WFDC9: variants seen among roughly 807,000 people sequenced by gnomAD.
WFDC9 encodes the protein WAP four-disulfide core domain 9.
In WFDC9, 9 loss-of-function variants were observed where a neutral mutation model predicts 9.5. The observed-to-expected ratio is 0.95, with a 90% CI of 0.57 to 1.65. The LOEUF (loss-of-function observed/expected upper bound fraction) is 1.65, where lower values mean the gene tolerates loss of function less well. Ranked by LOEUF, WFDC9 falls within the 40% of genes most tolerant of loss-of-function variation. The pLI is 0.00. For synonymous variants in WFDC9, 33 were observed against 32.3 expected (o/e 1.02, Z -0.07); for missense variants, 87 against 106.7 (o/e 0.82, Z 0.81).
chr20:45,615,937 C>T (rs1356566149), intron 1 of WFDC9, among the ~76,000 whole-genome samples: 1 of 152,194 alleles, frequency 6.6e-6, no homozygotes, highest in East Asian at 1.9e-4. Flanking sequence ...TCTGAGCCTT[C>T]AACAAGTCAT....
chr20:45,608,797 TATC>T lies in WFDC9; in HGVS notation c.102_104del (p.Met34del), dbSNP rs1475471699. 5.6e-6 allele frequency: 9 copies of T among 1,612,068 alleles called. No homozygotes were observed. The East Asian group carries it at 1.6e-4, about 28-fold the overall frequency. ...GTACCCAGCACTGCTCAGTTTCTCT[TATC>T]ATATCTAGAACTGAGATGGAAGAAG... On this transcript the variant is annotated inframe_deletion, in exon 4 of 5. Transcript: ENST00000326000.
intron 3 of WFDC9, among the ~76,000 whole-genome samples, 164 bp from the exon 4 acceptor site, chr20:45,608,974 G>C (rs1359136161): frequency 3.9e-5 from 6 of 152,082 alleles, no homozygotes; most frequent in Non-Finnish European, 7.3e-5. Flanking sequence ...CTTGTCACAA[G>C]ACCATCCTTG....
At chr20:45,615,835 A>G (rs534136316) in intron 1 of WFDC9, among the ~76,000 whole-genome samples, 35 of 152,218 alleles carry the variant, frequency 2.3e-4, no homozygotes, top group Non-Finnish European at 4.3e-4. Flanking sequence ...ACTATGCTGT[A>G]GTCTGTCAAG....
chr20:45,630,431 C>A (rs764728229), intron 1 of WFDC9, among the ~76,000 whole-genome samples: 7 of 152,042 alleles, frequency 4.6e-5, no homozygotes, highest in Non-Finnish European at 1.0e-4. Flanking sequence ...GAGACAGTGA[C>A]AGTGAGCAGA....
chr20:45,627,694 T>C (rs1242253245), intron 1 of WFDC9, among the ~76,000 whole-genome samples: 1 of 152,210 alleles, frequency 6.6e-6, no homozygotes, highest in Admixed American at 6.5e-5. Flanking sequence ...CATGCTGCTC[T>C]CCAACAACCT....
rs377094651 is a variant in WFDC9 at position 45,625,103 on chromosome 20, C to T, written c.-153+6100G>A. 3.9e-5 allele frequency among the ~76,000 whole-genome samples: 6 copies of T among 152,272 alleles called. No homozygotes were observed. In the East Asian group the frequency reaches 1.2e-3, roughly 29 times the overall value. On this transcript the variant is annotated intron_variant, in intron 1 of 4. Transcript: ENST00000326000. The stretch of plus-strand genomic sequence containing the variant: ...TTAATTTACTCACAGTTCCACATGG[C>T]TGGGGAGGCCTCAGGAGACTTTAAA...
chr20:45,627,154 C>T (rs537268405), intron 1 of WFDC9, among the ~76,000 whole-genome samples: 4 of 152,210 alleles, frequency 2.6e-5, no homozygotes, highest in Non-Finnish European at 4.4e-5. Flanking sequence ...TTCTTGCATT[C>T]GTATGATAAA....
intron 3 of WFDC9, among the ~76,000 whole-genome samples, chr20:45,609,704 C>A (rs1040854829): frequency 6.6e-6 from 1 of 152,166 alleles, no homozygotes; most frequent in Non-Finnish European, 1.5e-5. Flanking sequence ...CTCTTCCCCT[C>A]CAACTAAATT....
chr20:45,610,261 T>C, intron 2 of WFDC9, 22 bp from the exon 3 acceptor site: 1 of 1,274,058 alleles, frequency 7.8e-7, no homozygotes, highest in Non-Finnish European at 1.1e-6. Flanking sequence ...AGAAAATGGA[T>C]TGAGGAGAAC....
At chr20:45,612,276 C>G (rs1489545373) in intron 2 of WFDC9, among the ~76,000 whole-genome samples, 9 of 151,538 alleles carry the variant, frequency 5.9e-5, no homozygotes, top group Admixed American at 3.9e-4. Flanking sequence ...TTCTATGCCT[C>G]TGTGTGTGGA....
At chr20:45,629,897 G>T (rs1982314643) in intron 1 of WFDC9, 1 of 1,613,566 alleles carries the variant, frequency 6.2e-7, no homozygotes, top group African/African-American at 1.3e-5. Flanking sequence ...ACAAGAAGAG[G>T]ATGCAGAGTA....
rs116662065 is a variant in WFDC9, at chr20:45,619,328, G to T, written c.-152-4607C>A. On this transcript the variant is annotated intron_variant, in intron 1 of 4. Coordinates refer to ENST00000326000, the MANE Select transcript of WFDC9 (RefSeq NM_147198.4). ...TCATGATTCTGGATCAAGCTATGCA[G>T]AATTTAGGACAATCTGTATACTCTT... Among the ~76,000 whole-genome samples the T allele has an allele frequency of 5.5e-3, 845 of 152,278 alleles. 7 individuals are homozygous for T. Among genetic ancestry groups the T allele is most frequent in the African/African-American group, 0.02 (811 of 41,570 alleles).
chr20:45,615,898 A>G (rs1389961489), intron 1 of WFDC9, among the ~76,000 whole-genome samples: 1 of 152,258 alleles, frequency 6.6e-6, no homozygotes, highest in Admixed American at 6.5e-5. Context: ...ATTTTAAAAT[A>G]CTTTACTACT....
chr20:45,621,083 T>C (rs2145599853), intron 1 of WFDC9, among the ~76,000 whole-genome samples: 1 of 152,274 alleles, frequency 6.6e-6, no homozygotes, highest in East Asian at 2.0e-4. Context: ...TTCAGACATC[T>C]ATTGGATGAA....
At position 45,610,198 on chromosome 20, in the gene WFDC9, AT is replaced by A. The variant is rs1311371736; in HGVS notation, c.-18del. On this transcript the variant is annotated 5_prime_UTR_variant, in exon 3 of 5. Transcript: ENST00000326000. ...GGGCTTCATGGTGCTCTCTGTGTGT[AT>A]TTGGGTTAAGTTCTGGCAGAAGGCA... The A allele has an allele frequency of 6.2e-7, 1 of 1,612,320 alleles. No homozygotes were observed. The highest frequency in any genetic ancestry group is 2.2e-5 in the East Asian group (1 of 44,840).
chr20:45,618,513 G>A (rs2145598591), intron 1 of WFDC9, among the ~76,000 whole-genome samples: 1 of 152,298 alleles, frequency 6.6e-6, no homozygotes, highest in African/African-American at 2.4e-5. Context: ...TTTAAAGTGA[G>A]AAATGTGGGA....
chr20:45,608,280 C>G (rs1472498165), intron 4 of WFDC9, 140 bp from the exon 5 acceptor site: 1 of 1,033,894 alleles, frequency 9.7e-7, no homozygotes, highest in East Asian at 2.4e-5. Context: ...AGCAATTTCC[C>G]CCAAGAAGTT....
intron 1 of WFDC9, among the ~76,000 whole-genome samples, chr20:45,628,497 CTATA>C (rs1982273253): frequency 6.6e-6 from 1 of 152,158 alleles, no homozygotes; most frequent in East Asian, 1.9e-4. Context: ...TGATTCTCCT[CTATA>C]TAACCCCTCT....
intron 1 of WFDC9, chr20:45,629,618 T>TCCCA (rs1363137070): frequency 3.9e-6 from 2 of 508,832 alleles, no homozygotes; most frequent in Non-Finnish European, 6.7e-6. Flanking sequence ...GGAAGCCCTA[T>TCCCA]CCCACATGAC....
Sources: gnomAD v4.1 joint callset for allele counts (sites outside exome capture counted in the v4.1 genomes callset) on GRCh38, gnomAD v4.1.1 for gene constraint, MANE v1.5 for transcripts, NCBI Gene and HGNC (gene_info 2026-07-23, HGNC 2026-07-21) for gene names.